Variants in RUVBL1 observed in about 807,000 individuals in gnomAD.
RUVBL1 encodes the protein RuvB like AAA ATPase 1.
A neutral mutation model predicts 52.4 loss-of-function variants in RUVBL1; 4 were observed. That is an observed-to-expected ratio of 0.08 (90% CI 0.04 to 0.17). The LOEUF is 0.17. Among genes scored for constraint, RUVBL1 ranks in the 10% least tolerant of loss-of-function variants. The pLI, the probability that RUVBL1 is intolerant of heterozygous loss-of-function variation, is 1.00. For missense variants in RUVBL1, 298 were observed against 572.8 expected (o/e 0.52, Z 4.90); for synonymous variants, 217 against 214.4 (o/e 1.01, Z -0.10).
chr3:128,150,255 G>A (rs1944165782), intron 1 of RUVBL1, among the ~76,000 whole-genome samples: 1 of 152,070 alleles, frequency 6.6e-6, no homozygotes, highest in Non-Finnish European at 1.5e-5. Flanking sequence ...CACAGCAGGT[G>A]TTCAATCAAT....
At chr3:128,073,653 C>G (rs1942233177) in intron 9 of RUVBL1, among the ~76,000 whole-genome samples, 1 of 152,238 alleles carries the variant, frequency 6.6e-6, no homozygotes, top group African/African-American at 2.4e-5. Context: ...CCTTTCCACT[C>G]AGCAAACATT....
In RUVBL1 at chr3:128,123,806, C is replaced by T; in HGVS notation, c.-82G>A. 6 of 1,477,918 alleles carry T rather than the reference C, an allele frequency of 4.1e-6. No homozygotes were observed. Among genetic ancestry groups the T allele is most frequent in the African/African-American group, 1.4e-5 (1 of 71,738 alleles). 91.6% of individuals were successfully genotyped at this position (1,477,918 alleles called of 1,614,324 possible). A position where few individuals can be genotyped will look rare whatever the true frequency, so the allele number is the denominator to read the frequency against. Reference sequence around the variant, plus strand: ...CCCGGCGCCTGAGTTACCATGCGGCCGTTACTAGGGCAATTTGCAAAGGCC... The same window carrying T: ...CCCGGCGCCTGAGTTACCATGCGGCTGTTACTAGGGCAATTTGCAAAGGCC... On this transcript the variant is annotated 5_prime_UTR_variant, in exon 1 of 11. Transcript: ENST00000322623.
chr3:128,134,901 A>G (rs997145242), intron 1 of RUVBL1, among the ~76,000 whole-genome samples: 29 of 152,324 alleles, frequency 1.9e-4, no homozygotes, highest in Admixed American at 1.4e-3. Context: ...TAGCCTCAAA[A>G]GGGTAAATCT....
chr3:128,087,670 G>C, intron 9 of RUVBL1, 36 bp downstream of exon 9: 1 of 1,536,284 alleles, frequency 6.5e-7, no homozygotes, highest in Non-Finnish European at 9.0e-7. Flanking sequence ...GGGAGCAAAT[G>C]AGAGAAGAGA....
chr3:128,125,004 C>CTT (rs1173491226), upstream of RUVBL1, among the ~76,000 whole-genome samples: 18 of 77,558 alleles, frequency 2.3e-4, no homozygotes, highest in Non-Finnish European at 3.6e-4. Context: ...TCTCACACCG[C>CTT]CTTTTTTTTT....
downstream of RUVBL1, among the ~76,000 whole-genome samples, chr3:128,079,893 C>T (rs889596160): frequency 6.6e-5 from 10 of 152,214 alleles, no homozygotes; most frequent in African/African-American, 2.4e-4. Flanking sequence ...CCTAGTCAGC[C>T]CTGCCTCCCA....
chr3:128,117,699 G>A (rs994452327), intron 2 of RUVBL1, among the ~76,000 whole-genome samples: 1 of 150,082 alleles, frequency 6.7e-6, no homozygotes, highest in East Asian at 1.9e-4. Context: ...TGATACCTCT[G>A]CCTCCCAGGT....
Position 128,112,055 on chromosome 3 carries a change from G to A in RUVBL1, c.361+833C>T, listed in dbSNP as rs200881686. 2.6e-5 allele frequency among the ~76,000 whole-genome samples: 4 copies of A among 152,294 alleles called. No individual in the cohort carries two copies. The East Asian group carries it at 5.8e-4, about 22-fold the overall frequency. ...TTAATAACTGGACTTTTATGTAACA[G>A]TTAAAAGAAATAAGCTATTTCTATA... is the stretch of plus-strand genomic sequence containing the variant. On this transcript the variant is annotated intron_variant, in intron 3 of 10. Coordinates refer to ENST00000322623, the MANE Select transcript of RUVBL1 (RefSeq NM_003707.3).
chr3:128,064,955 A>T, exon 10 of RUVBL1: 3 of 1,614,198 alleles, frequency 1.9e-6, no homozygotes, highest in Non-Finnish European at 2.5e-6. Context: ...GCCCTTCGGG[A>T]GGCGTTCTAC....
chr3:128,100,462 T>A (rs553861372), intron 6 of RUVBL1, 133 bp downstream of exon 6: 7 of 1,027,904 alleles, frequency 6.8e-6, no homozygotes, highest in Non-Finnish European at 9.6e-6. Context: ...TCGATGTTAA[T>A]TGCTGAACAT....
intron 1 of RUVBL1, among the ~76,000 whole-genome samples, chr3:128,119,728 T>C (rs1943601301): frequency 6.6e-6 from 1 of 152,196 alleles, no homozygotes; most frequent in Non-Finnish European, 1.5e-5. Flanking sequence ...GTCTTTCTGA[T>C]GACATTTAAT....
intron 1 of RUVBL1, among the ~76,000 whole-genome samples, chr3:128,130,595 C>T (rs951786551): frequency 1.9e-5 from 2 of 104,938 alleles, no homozygotes; most frequent in Non-Finnish European, 2.0e-5. Context: ...CCCATCTCTA[C>T]AAAAAAAAAA....
intron 2 of RUVBL1, among the ~76,000 whole-genome samples, chr3:128,114,949 C>G (rs1225871040): frequency 6.6e-6 from 1 of 152,054 alleles, no homozygotes; most frequent in African/African-American, 2.4e-5. Context: ...CTCTCCCTCC[C>G]TTTAACTAAT....
rs183974559 is a variant in RUVBL1 at position 128,099,037 on chromosome 3, G to T, written c.754-92C>A. On this transcript the variant is annotated intron_variant, in intron 6 of 10. Coordinates refer to ENST00000322623, the MANE Select transcript of RUVBL1 (RefSeq NM_003707.3). ...CATCCCACTCATCAACTCAACATGG[G>T]ATCCTGAGGTATGGAGACCCCTCCT... is the stretch of plus-strand genomic sequence containing the variant. The T allele has an allele frequency of 2.1e-5, 23 of 1,077,064 alleles. No individual in the cohort carries two copies. The Admixed American group carries it at 2.2e-4, about 10-fold the overall frequency. The allele number at this position is 1,077,064 out of a possible 1,614,324, so 66.7% of individuals were successfully genotyped here.
upstream of RUVBL1, among the ~76,000 whole-genome samples, chr3:128,124,516 ATGAC>A (rs1272261933): frequency 6.6e-6 from 1 of 152,214 alleles, no homozygotes; most frequent in African/African-American, 2.4e-5. Flanking sequence ...ATCACGTCCC[ATGAC>A]TCCAGCTGAG....
Position 128,067,849 on chromosome 3 carries a change from C to A in RUVBL1, c.940-2629G>T. 1.3e-6 allele frequency: 1 copy of A among 770,946 alleles called. No homozygotes were observed. Among genetic ancestry groups the A allele is most frequent in the Non-Finnish European group, 2.2e-6 (1 of 451,410 alleles). 47.8% of individuals were successfully genotyped at this position (770,946 alleles called of 1,614,324 possible). ...TAGACTTTTTCATATGACTTCCTTGCGGCAGTTTTAAAGTTCTCTGTATGA... is the reference window on the plus strand; with the variant it reads ...TAGACTTTTTCATATGACTTCCTTGAGGCAGTTTTAAAGTTCTCTGTATGA... On this transcript the variant is annotated intron_variant, in intron 9 of 9. Transcript: ENST00000464873. The surrounding 1 kb of genome is among the most constrained non-coding windows in gnomAD (Gnocchi z 4.1).
At chr3:128,119,194 T>C (rs1297194912) in intron 2 of RUVBL1, 134 bp downstream of exon 2, 10 of 586,900 alleles carry the variant, frequency 1.7e-5, no homozygotes, top group Non-Finnish European at 1.5e-5. Flanking sequence ...AATTGTATTA[T>C]TGCATATTAA....
At chr3:128,123,424 G>A (rs1351167337) in intron 1 of RUVBL1, among the ~76,000 whole-genome samples, 160 bp downstream of exon 1, 2 of 152,146 alleles carry the variant, frequency 1.3e-5, no homozygotes, top group Non-Finnish European at 2.9e-5. Flanking sequence ...CTCCAGGGCG[G>A]CGCCCCTCCC....
intron 9 of RUVBL1, among the ~76,000 whole-genome samples, chr3:128,065,866 C>G (rs909295395): frequency 6.6e-6 from 1 of 151,076 alleles, no homozygotes; most frequent in Admixed American, 6.6e-5. Context: ...CTCAGCCTCC[C>G]GAGTAGATGG....
Sources: gnomAD v4.1 joint callset for allele counts (sites outside exome capture counted in the v4.1 genomes callset) on GRCh38, gnomAD v4.1.1 for gene constraint, Gnocchi (gnomAD v3.1) non-coding constraint, MANE v1.5 for transcripts, NCBI Gene and HGNC (gene_info 2026-07-23, HGNC 2026-07-21) for gene names.